FGL1: variants seen among roughly 807,000 people sequenced by gnomAD.
FGL1 encodes the protein fibrinogen-like protein 1.
FGL1 carries 59 observed loss-of-function variants against 43.7 expected under a neutral mutation model. The ratio of observed to expected loss-of-function variants is 1.35; its 90% CI spans 1.10 to 1.68. The LOEUF (loss-of-function observed/expected upper bound fraction) is 1.68. FGL1 is among the 40% of genes most tolerant of loss of function. The pLI, the probability that FGL1 is intolerant of heterozygous loss-of-function variation, is 0.00. For synonymous variants in FGL1, 192 were observed against 126.5 expected (o/e 1.52, Z -3.48); for missense variants, 596 against 373.0 (o/e 1.60, Z -4.92).
Position 17,871,697 on chromosome 8 carries a change from C to T in FGL1, c.502+2322G>A, listed in dbSNP as rs36121629. On this transcript the variant is annotated intron_variant, in intron 5 of 7. Coordinates refer to ENST00000427924, the MANE Select transcript of FGL1 (RefSeq NM_004467.4). ...CAGAGGTAATTCATTAATTCATTAG[C>T]CGTAATGCTCTCATAATTAAAGAAT... Among the ~76,000 whole-genome samples the T allele has an allele frequency of 1.2e-3, 182 of 152,118 alleles. 1 individual carries two copies. The highest frequency in any genetic ancestry group is 4.1e-3 in the African/African-American group (171 of 41,486).
Position 17,895,484 on chromosome 8 carries a change from C to T in FGL1, c.-55G>A, listed in dbSNP as rs2129442614. 1.6e-6 allele frequency: 2 copies of T among 1,284,148 alleles called. No individual in the cohort carries two copies. Among genetic ancestry groups the T allele is most frequent in the Non-Finnish European group, 2.0e-6 (2 of 984,046 alleles). The allele number at this position is 1,284,148 out of a possible 1,614,324, so 79.5% of individuals were successfully genotyped here. A position where few individuals can be genotyped will look rare whatever the true frequency, so the allele number is the denominator to read the frequency against. On this transcript the variant is annotated 5_prime_UTR_variant, in exon 1 of 8. Transcript: ENST00000427924. ...GTGAGTCAGAGACCCAGCTCAGGTT[C>T]CATCCAGACACTCTGCTTCCCAGGA...
intron 2 of FGL1, among the ~76,000 whole-genome samples, chr8:17,884,327 G>C (rs1410853732): frequency 6.6e-6 from 1 of 152,012 alleles, no homozygotes; most frequent in Non-Finnish European, 1.5e-5. Context: ...AAGTAGCTGG[G>C]ACTATACAGG....
At chr8:17,875,168 C>T (rs2053426436) in intron 3 of FGL1, among the ~76,000 whole-genome samples, 3 of 152,098 alleles carry the variant, frequency 2.0e-5, no homozygotes, top group Admixed American at 2.0e-4. Flanking sequence ...AAATAGTAAT[C>T]TTGTAAAAAT....
intron 1 of FGL1, among the ~76,000 whole-genome samples, chr8:17,892,237 T>C (rs1005016698): frequency 1.3e-5 from 2 of 152,052 alleles, no homozygotes; most frequent in African/African-American, 2.4e-5. Flanking sequence ...ACATAAACAA[T>C]TGCATAGTCA....
intron 5 of FGL1, among the ~76,000 whole-genome samples, chr8:17,870,489 C>T (rs1232793658): frequency 1.3e-5 from 2 of 152,118 alleles, no homozygotes; most frequent in African/African-American, 2.4e-5. Context: ...CCTCACTTTC[C>T]TTGGAGTTTC....
chr8:17,890,698 TCA>T (rs1220763466), intron 1 of FGL1, among the ~76,000 whole-genome samples: 1 of 152,168 alleles, frequency 6.6e-6, no homozygotes, highest in Non-Finnish European at 1.5e-5. Flanking sequence ...TTTAATTGAC[TCA>T]CAGTTTGCCA....
Position 17,882,168 on chromosome 8 carries a change from G to GTCCTCGAGCGCC in FGL1, c.64-1_74dup (p.Glu24_Asp25insGluAlaLeuGlu), listed in dbSNP as rs776225828. On this transcript the variant is annotated inframe_insertion, in exon 3 of 8. Transcript: ENST00000427924. ...TGAGCCGCATCTGCTCCTGGGCACAGTCCTCGAGCGCCTGCAAAACAGGTG... is the reference window on the plus strand; with the variant it reads ...TGAGCCGCATCTGCTCCTGGGCACAGTCCTCGAGCGCCTCCTCGAGCGCCTGCAAAACAGGTG... 1.4e-4 allele frequency: 230 copies of GTCCTCGAGCGCC among 1,612,942 alleles called. No homozygotes were observed. Among genetic ancestry groups the GTCCTCGAGCGCC allele is most frequent in the Admixed American group, 1.2e-4 (7 of 59,838 alleles).
chr8:17,883,917 C>T (rs966653926), intron 2 of FGL1, among the ~76,000 whole-genome samples: 19 of 147,940 alleles, frequency 1.3e-4, no homozygotes, highest in Admixed American at 5.5e-4. Flanking sequence ...TTCTTTTCCT[C>T]TCTTTCTCCT....
intron 3 of FGL1, among the ~76,000 whole-genome samples, chr8:17,878,766 A>G (rs1220763786): frequency 6.6e-5 from 10 of 152,162 alleles, no homozygotes; most frequent in Non-Finnish European, 1.5e-4. Flanking sequence ...GTAATAATAA[A>G]GTAACTTGTA....
chr8:17,886,335 T>G (rs2053627869), intron 1 of FGL1, among the ~76,000 whole-genome samples: 1 of 152,182 alleles, frequency 6.6e-6, no homozygotes, highest in South Asian at 2.1e-4. Flanking sequence ...TGAATTTAAT[T>G]TTTTCCTTCT....
At chr8:17,871,748 T>C (rs1379241025) in intron 5 of FGL1, among the ~76,000 whole-genome samples, 1 of 152,096 alleles carries the variant, frequency 6.6e-6, no homozygotes, top group Non-Finnish European at 1.5e-5. Flanking sequence ...CTGGCTATTG[T>C]CTGGATTGAT....
chr8:17,867,234 C>A (rs77424039), intron 7 of FGL1, among the ~76,000 whole-genome samples: 2 of 151,890 alleles, frequency 1.3e-5, no homozygotes, highest in Non-Finnish European at 2.9e-5. Flanking sequence ...GTCTGATAAC[C>A]GAAACAGCTA....
rs760877031 is a variant in FGL1, at chr8:17,868,736, C to G, written c.592-1G>C. On this transcript the variant is annotated splice_acceptor_variant, in intron 6 of 7. Coordinates refer to ENST00000427924, the MANE Select transcript of FGL1 (RefSeq NM_004467.4). LOFTEE classifies it high-confidence loss of function. ...CCCCAATATTCAACTCGTAGAAATT[C>G]TAAAGAAAAAGGGCATTTCTGCTGT... 2.5e-6 allele frequency: 4 copies of G among 1,604,526 alleles called. No individual in the cohort carries two copies. Among genetic ancestry groups the G allele is most frequent in the Non-Finnish European group, 3.4e-6 (4 of 1,176,266 alleles).
At chr8:17,883,121 T>C (rs2053569578) in intron 2 of FGL1, among the ~76,000 whole-genome samples, 1 of 90,962 alleles carries the variant, frequency 1.1e-5, no homozygotes, top group South Asian at 3.7e-4. Flanking sequence ...ATATATCATA[T>C]ATAATATATT....
At chr8:17,883,060 A>C (rs1281144552) in intron 2 of FGL1, among the ~76,000 whole-genome samples, 1 of 90,118 alleles carries the variant, frequency 1.1e-5, no homozygotes, top group African/African-American at 6.0e-5. Flanking sequence ...TATATATCAT[A>C]TGTAATATAT....
chr8:17,872,291 A>G (rs1005794444), intron 5 of FGL1, among the ~76,000 whole-genome samples: 1 of 56,962 alleles, frequency 1.8e-5, no homozygotes, highest in African/African-American at 7.6e-5. Flanking sequence ...CTTTTGTTTT[A>G]TCTTAATTAC....
chr8:17,876,095 C>T (rs1472276600), intron 3 of FGL1, among the ~76,000 whole-genome samples: 1 of 152,122 alleles, frequency 6.6e-6, no homozygotes, highest in Non-Finnish European at 1.5e-5. Flanking sequence ...TCAAGAAGAG[C>T]CGTCTACAAA....
chr8:17,884,532 T>C (rs1315203832), intron 2 of FGL1, among the ~76,000 whole-genome samples: 1 of 152,086 alleles, frequency 6.6e-6, no homozygotes, highest in Admixed American at 6.6e-5. Context: ...TGTTACTCTA[T>C]CCCTAACACT....
intron 1 of FGL1, 165 bp downstream of exon 1, chr8:17,895,282 T>C (rs374198409): frequency 9.6e-7 from 1 of 1,042,790 alleles, no homozygotes; most frequent in African/African-American, 1.7e-5. Flanking sequence ...AGATACATAA[T>C]TCTAAATCTC....
Sources: gnomAD v4.1 joint callset for allele counts (sites outside exome capture counted in the v4.1 genomes callset) on GRCh38, gnomAD v4.1.1 for gene constraint, MANE v1.5 for transcripts, NCBI Gene and HGNC (gene_info 2026-07-23, HGNC 2026-07-21) for gene names.